Variants in CCDC102B observed in about 807,000 individuals in gnomAD.
CCDC102B encodes coiled-coil domain-containing protein 102B.
CCDC102B carries 75 observed loss-of-function variants against 57.4 expected under a neutral mutation model. That is an observed-to-expected ratio of 1.31 (90% CI 1.08 to 1.58). The LOEUF is 1.58. Among genes scored for constraint, CCDC102B ranks in the 40% most tolerant of loss-of-function variants. The pLI is 0.00. For synonymous variants in CCDC102B, 206 were observed against 201.9 expected (o/e 1.02, Z -0.17); for missense variants, 636 against 582.6 (o/e 1.09, Z -0.94).
intron 6 of CCDC102B, among the ~76,000 whole-genome samples, chr18:69,003,118 G>T (rs943136274): frequency 1.3e-5 from 2 of 152,076 alleles, no homozygotes; most frequent in African/African-American, 4.8e-5. Flanking sequence ...TTCCCACAAA[G>T]ATAGTGTTTT....
chr18:69,039,770 A>G (rs1219476940), intron 7 of CCDC102B, among the ~76,000 whole-genome samples: 2 of 151,946 alleles, frequency 1.3e-5, no homozygotes, highest in East Asian at 3.9e-4. Flanking sequence ...TCTATTTTGT[A>G]GAATTGTTAG....
At chr18:68,867,890 T>C (rs1046510983) in intron 4 of CCDC102B, among the ~76,000 whole-genome samples, 110 of 151,880 alleles carry the variant, frequency 7.2e-4, no homozygotes, top group Non-Finnish European at 6.2e-4. Context: ...GCCGAGGTCA[T>C]GCCACTGCAC....
At chr18:68,743,961 T>C (rs1371175707) in intron 2 of CCDC102B, among the ~76,000 whole-genome samples, 1 of 152,232 alleles carries the variant, frequency 6.6e-6, no homozygotes, top group Non-Finnish European at 1.5e-5. Flanking sequence ...TAAGACATTT[T>C]TATTTTGGAT....
At chr18:68,958,120 GT>G (rs2049954303) in intron 6 of CCDC102B, among the ~76,000 whole-genome samples, 1 of 152,048 alleles carries the variant, frequency 6.6e-6, no homozygotes, top group Non-Finnish European at 1.5e-5. Flanking sequence ...AAACTATCAG[GT>G]CTTGTAAGAC....
intron 3 of CCDC102B, among the ~76,000 whole-genome samples, chr18:68,844,172 A>T (rs2037755625): frequency 6.6e-6 from 1 of 151,838 alleles, no homozygotes; most frequent in Non-Finnish European, 1.5e-5. Context: ...TTTGAATTTG[A>T]ATTTATTTTG....
At chr18:68,754,863 CTCCTTCCACCA>C (rs2033990321) in intron 2 of CCDC102B, 2 of 152,174 alleles carry the variant, frequency 1.3e-5, no homozygotes, top group Non-Finnish European at 2.9e-5. Context: ...AGATCTCTAG[CTCCTTCCACCA>C]TGTGAGCATG....
At chr18:68,761,970 A>T (rs1005806295) in intron 2 of CCDC102B, among the ~76,000 whole-genome samples, 1 of 152,034 alleles carries the variant, frequency 6.6e-6, no homozygotes, top group African/African-American at 2.4e-5. Context: ...GCTAGTTTGT[A>T]AGTAATTCCG....
intron 6 of CCDC102B, among the ~76,000 whole-genome samples, chr18:68,920,237 A>G (rs1986337): frequency 0.42 from 63,873 of 151,912 alleles, 14,232 homozygotes; most frequent in East Asian, 0.88. Context: ...TTTTCCTGAA[A>G]GCTGGAGGCA....
At chr18:68,743,813 C>T (rs1259543666) in intron 2 of CCDC102B, among the ~76,000 whole-genome samples, 1 of 152,096 alleles carries the variant, frequency 6.6e-6, no homozygotes, top group African/African-American at 2.4e-5. Context: ...TCAAGTCTGT[C>T]TGATTATTTA....
chr18:68,815,016 G>A (rs2036419133), intron 1 of CCDC102B, among the ~76,000 whole-genome samples: 1 of 152,094 alleles, frequency 6.6e-6, no homozygotes, highest in South Asian at 2.1e-4. Context: ...AGATTGTCTT[G>A]CCTTGTAACA....
At chr18:68,748,666 G>A (rs1319061652) in intron 2 of CCDC102B, among the ~76,000 whole-genome samples, 1 of 152,090 alleles carries the variant, frequency 6.6e-6, no homozygotes, top group African/African-American at 2.4e-5. Flanking sequence ...GAGTGCTTTA[G>A]CCCTTCCTGT....
chr18:68,896,785 TAGAG>T (rs540967681), intron 5 of CCDC102B, among the ~76,000 whole-genome samples: 1 of 151,900 alleles, frequency 6.6e-6, no homozygotes, highest in African/African-American at 2.4e-5. Flanking sequence ...GAGATAGAGA[TAGAG>T]AGATCCATAT....
intron 7 of CCDC102B, among the ~76,000 whole-genome samples, chr18:69,042,166 T>G (rs1008519274): frequency 6.6e-6 from 1 of 152,034 alleles, no homozygotes; most frequent in African/African-American, 2.4e-5. Context: ...GTTCTCTTTT[T>G]CAAAAATCAC....
intron 4 of CCDC102B, among the ~76,000 whole-genome samples, chr18:68,868,834 G>A (rs1599603365): frequency 6.6e-6 from 1 of 152,232 alleles, no homozygotes; most frequent in Middle Eastern, 3.4e-3. Context: ...GAGATTTGGG[G>A]GGTGAGCATG....
chr18:68,927,960 A>G (rs758006624), intron 6 of CCDC102B, among the ~76,000 whole-genome samples: 42 of 152,026 alleles, frequency 2.8e-4, no homozygotes, highest in Middle Eastern at 3.4e-3. Flanking sequence ...TGAAGCACAC[A>G]AAACGTTTAA....
At position 69,010,937 on chromosome 18, in the gene CCDC102B, T is replaced by G. The variant is rs752723039; in HGVS notation, c.1267T>G (p.Leu423Val). The G allele has an allele frequency of 3.2e-6, 5 of 1,585,332 alleles. No homozygotes were observed. Among genetic ancestry groups the G allele is most frequent in the Admixed American group, 3.5e-5 (2 of 57,064 alleles). ...AATTTTTGTTTTCCTTTGAAAGGAATTACTGAACCTTCAACATGCCTACTA... is the reference window on the plus strand; with the variant it reads ...AATTTTTGTTTTCCTTTGAAAGGAAGTACTGAACCTTCAACATGCCTACTA... ...QIDLQEKNQELLNLQHAYYKL... is the reference protein window; with the variant it reads ...QIDLQEKNQEVLNLQHAYYKL... Residue 423 changes from leucine to valine, a missense_variant, in exon 7 of 8, where the codon TTA (leucine) becomes GTA (valine). Coordinates refer to ENST00000360242, the MANE Select transcript of CCDC102B (RefSeq NM_024781.3).
intron 2 of CCDC102B, among the ~76,000 whole-genome samples, chr18:68,726,270 G>A (rs2032590412): frequency 6.6e-6 from 1 of 152,036 alleles, no homozygotes; most frequent in Admixed American, 6.6e-5. Context: ...AGTACTAATT[G>A]GATATGAAAA....
At chr18:68,845,604 A>G (rs116677133) in intron 3 of CCDC102B, among the ~76,000 whole-genome samples, 3 of 151,832 alleles carry the variant, frequency 2.0e-5, no homozygotes, top group African/African-American at 7.2e-5. Context: ...GCCAGCTTCA[A>G]AGGTCAATAT....
chr18:68,946,210 A>C (rs960788794), intron 6 of CCDC102B, among the ~76,000 whole-genome samples: 1 of 151,984 alleles, frequency 6.6e-6, no homozygotes, highest in Non-Finnish European at 1.5e-5. Flanking sequence ...TTTCTGTACA[A>C]ATTATCTCCC....
Sources: gnomAD v4.1 joint callset for allele counts (sites outside exome capture counted in the v4.1 genomes callset) on GRCh38, gnomAD v4.1.1 for gene constraint, MANE v1.5 for transcripts, NCBI Gene and HGNC (gene_info 2026-07-23, HGNC 2026-07-21) for gene names.